Variants in TNNT1 observed in about 807,000 individuals in gnomAD.
TNNT1 encodes troponin T, slow skeletal muscle.
In TNNT1, 53 loss-of-function variants were observed where a neutral mutation model predicts 50.6. The observed-to-expected ratio is 1.05, with a 90% CI of 0.84 to 1.32. TNNT1 has a LOEUF of 1.32. Ranked by LOEUF, TNNT1 falls within the 40% of genes most tolerant of loss-of-function variation. The pLI is 0.00. For missense variants in TNNT1, 348 were observed against 381.7 expected, an observed-to-expected ratio of 0.91 and a Z score of 0.74; for synonymous variants, 142 against 138.0, an observed-to-expected ratio of 1.03 and a Z score of -0.20.
intron 9 of TNNT1, among the ~76,000 whole-genome samples, chr19:55,139,838 C>G (rs375241532): frequency 1.8e-4 from 28 of 151,604 alleles, no homozygotes; most frequent in African/African-American, 5.8e-4. Flanking sequence ...ATAATGATGA[C>G]AATGGCCAGG....
At chr19:55,137,694 C>T (rs1321647627) in intron 10 of TNNT1, among the ~76,000 whole-genome samples, 15 of 148,396 alleles carry the variant, frequency 1.0e-4, no homozygotes, top group Admixed American at 8.7e-4. Flanking sequence ...TGGCCCCCAG[C>T]CCCTCCTCCC....
intron 7 of TNNT1, 39 bp downstream of exon 7, chr19:55,141,818 C>T: frequency 6.2e-7 from 1 of 1,611,110 alleles, no homozygotes. Context: ...CCCTTAAAGA[C>T]TAGCAACTGC....
At position 55,134,089 on chromosome 19, in the gene TNNT1, T is replaced by C. The variant is rs1372832827; in HGVS notation, c.727A>G (p.Lys243Glu). The C allele has an allele frequency of 3.7e-6, 6 of 1,613,054 alleles. No homozygotes were observed. The highest frequency in any genetic ancestry group is 4.2e-6 in the Non-Finnish European group (5 of 1,179,882). Residue 243 changes from lysine to glutamate, a missense_variant, in exon 12 of 14, where the codon AAG (lysine) becomes GAG (glutamate). Around this residue, in one of 3 missense-constraint regions of TNNT1, gnomAD observed 253 missense variants for 291.8 expected, o/e 0.87. Transcript: ENST00000588981. ...ACCTCATATTTCTGCTGTTTCAGCTTCGCCATCAGGTCGAACTTCTCAGAC... is the reference window on the plus strand; with the variant it reads ...ACCTCATATTTCTGCTGTTTCAGCTCCGCCATCAGGTCGAACTTCTCAGAC... ...LESEKFDLMAKLKQQKYEINV... is the reference protein window; with the variant it reads ...LESEKFDLMAELKQQKYEINV...
intron 8 of TNNT1, 109 bp downstream of exon 8, chr19:55,141,077 C>T (rs1034721241): frequency 3.0e-5 from 45 of 1,491,092 alleles, no homozygotes; most frequent in Non-Finnish European, 3.8e-5. Context: ...TCGCGAAAGC[C>T]TAAGGCTCAG....
chr19:55,141,138 T>A (rs930877431), intron 8 of TNNT1, 48 bp downstream of exon 8: 1 of 1,542,690 alleles, frequency 6.5e-7, no homozygotes, highest in African/African-American at 1.4e-5. Context: ...ATGCAAGGGA[T>A]CCACATGGAG....
chr19:55,134,337 T>C (rs1274585478), intron 11 of TNNT1, 133 bp from the exon 12 acceptor site: 2 of 908,320 alleles, frequency 2.2e-6, no homozygotes, highest in African/African-American at 1.7e-5. Flanking sequence ...TTTTAAAATC[T>C]GTGCCCACTT....
At chr19:55,144,003 A>G (rs928687771) in intron 6 of TNNT1, among the ~76,000 whole-genome samples, 1 of 151,070 alleles carries the variant, frequency 6.6e-6, no homozygotes, top group Non-Finnish European at 1.5e-5. Context: ...CCCTTGCCCA[A>G]CAATCCCCAA....
chr19:55,146,489 G>T, intron 4 of TNNT1, 23 bp from the exon 5 acceptor site: 1 of 1,351,780 alleles, frequency 7.4e-7, no homozygotes, highest in Non-Finnish European at 9.6e-7. Context: ...GGGAGGAGCA[G>T]CGAGGGTTTG....
intron 9 of TNNT1, among the ~76,000 whole-genome samples, chr19:55,139,314 C>G (rs893682187): frequency 1.3e-5 from 2 of 152,172 alleles, no homozygotes; most frequent in Non-Finnish European, 2.9e-5. Flanking sequence ...TTTCCTATCA[C>G]TGCTGTAATT....
chr19:55,133,795 T>C (rs2085291034), intron 13 of TNNT1, 92 bp downstream of exon 13: 1 of 1,444,286 alleles, frequency 6.9e-7, no homozygotes, highest in African/African-American at 1.4e-5. Context: ...ACTCAGGCAG[T>C]GGGGGATGGA....
intron 10 of TNNT1, 50 bp downstream of exon 10, chr19:55,137,911 G>A (rs1436720891): frequency 1.2e-6 from 2 of 1,609,092 alleles, no homozygotes; most frequent in East Asian, 4.5e-5. Flanking sequence ...CTGGCCCCCA[G>A]CCCCTGCCCC....
At chr19:55,133,786 C>T (rs972761296) in intron 13 of TNNT1, 101 bp downstream of exon 13, 1 of 1,375,962 alleles carries the variant, frequency 7.3e-7, no homozygotes, top group African/African-American at 1.4e-5. Context: ...GGGGCAGAAA[C>T]TCAGGCAGTG....
chr19:55,148,086 A>C (rs1014153377), intron 1 of TNNT1: 1 of 152,294 alleles, frequency 6.6e-6, no homozygotes, highest in Non-Finnish European at 1.5e-5. Flanking sequence ...TGACAAGTCC[A>C]TGGGAACCTG....
chr19:55,141,569 C>T (rs1300627657), intron 7 of TNNT1, among the ~76,000 whole-genome samples: 2 of 151,728 alleles, frequency 1.3e-5, no homozygotes, highest in South Asian at 2.1e-4. Context: ...CCGCCACCTC[C>T]GCCTCCCAGG....
At chr19:55,146,975 C>G in intron 3 of TNNT1, 33 bp downstream of exon 3, 3 of 1,586,618 alleles carry the variant, frequency 1.9e-6, no homozygotes, top group Non-Finnish European at 2.6e-6. Context: ...GGGCGTGTCC[C>G]CATCCCATAG....
At chr19:55,133,780 C>T in intron 13 of TNNT1, 107 bp downstream of exon 13, 2 of 1,294,376 alleles carry the variant, frequency 1.5e-6, no homozygotes, top group Admixed American at 3.4e-5. Flanking sequence ...GAGAAAGGGG[C>T]AGAAACTCAG....
chr19:55,141,372 A>T, intron 7 of TNNT1, 70 bp from the exon 8 acceptor site: 1 of 1,146,698 alleles, frequency 8.7e-7, no homozygotes, highest in South Asian at 1.2e-5. Flanking sequence ...CACCTCCCCC[A>T]TGCAGGATGG....
chr19:55,133,013 A>G (rs1599867782), intron 13 of TNNT1, 53 bp from the exon 14 acceptor site: 2 of 1,503,622 alleles, frequency 1.3e-6, no homozygotes, highest in East Asian at 2.3e-5. Flanking sequence ...AGTCTCTGAA[A>G]TGGGCCCCAG....
intron 11 of TNNT1, 53 bp from the exon 12 acceptor site, chr19:55,134,257 C>A: frequency 6.6e-7 from 1 of 1,519,822 alleles, no homozygotes. Context: ...TGGGAACCAC[C>A]CAAAGCCACA....
Sources: gnomAD v4.1 joint callset for allele counts (sites outside exome capture counted in the v4.1 genomes callset) on GRCh38, gnomAD v4.1.1 for gene constraint, gnomAD v4.1.1 regional missense constraint, MANE v1.5 for transcripts, NCBI Gene and HGNC (gene_info 2026-07-23, HGNC 2026-07-21) for gene names.